STAU2: variants seen among roughly 807,000 people sequenced by gnomAD.
STAU2 encodes the protein double-stranded RNA-binding protein Staufen homolog 2.
In STAU2, 20 loss-of-function variants were observed where a neutral mutation model predicts 65.9. That is an observed-to-expected ratio of 0.30 (90% CI 0.21 to 0.44). The LOEUF is 0.44. Ranked by LOEUF, STAU2 falls within the 20% of genes least tolerant of loss-of-function variation. The pLI is 1.00. For synonymous variants in STAU2, 232 were observed against 233.9 expected (o/e 0.99, Z 0.07); for missense variants, 558 against 683.9 (o/e 0.82, Z 2.05).
At chr8:73,480,189 AT>A (rs1186326799) in intron 13 of STAU2, among the ~76,000 whole-genome samples, 2 of 151,984 alleles carry the variant, frequency 1.3e-5, no homozygotes, top group Non-Finnish European at 2.9e-5. Context: ...TTCCACCCCA[AT>A]ATCCTCAATG....
At chr8:73,433,128 C>A (rs67206079) in intron 13 of STAU2, among the ~76,000 whole-genome samples, 48,506 of 152,088 alleles carry the variant, frequency 0.32, 8,876 homozygotes, top group Non-Finnish European at 0.41. Context: ...AGTGCAGAGT[C>A]CTCGCTACTA....
chr8:73,613,563 G>T (rs1241300175), intron 9 of STAU2, among the ~76,000 whole-genome samples, 181 bp downstream of exon 9: 1 of 152,108 alleles, frequency 6.6e-6, no homozygotes, highest in African/African-American at 2.4e-5. Context: ...AAATGCAGGT[G>T]CACAGGTATT....
intron 13 of STAU2, chr8:73,438,838 G>A (rs142782265): frequency 2.4e-5 from 10 of 409,624 alleles, no homozygotes; most frequent in African/African-American, 1.4e-4. Flanking sequence ...AATTTGCAAC[G>A]TGAGAAGGGC....
chr8:73,433,751 C>T (rs1228064074), intron 13 of STAU2, among the ~76,000 whole-genome samples: 1 of 151,890 alleles, frequency 6.6e-6, no homozygotes, highest in Non-Finnish European at 1.5e-5. Flanking sequence ...GATCCATCTG[C>T]CCCAGCCGCC....
intron 13 of STAU2, among the ~76,000 whole-genome samples, chr8:73,476,572 A>C (rs1346608777): frequency 6.6e-6 from 1 of 152,230 alleles, no homozygotes; most frequent in African/African-American, 2.4e-5. Flanking sequence ...TCACAGCTGT[A>C]TAACATTTAT....
chr8:73,676,300 G>A (rs1386642425), intron 5 of STAU2, among the ~76,000 whole-genome samples: 1 of 152,178 alleles, frequency 6.6e-6, no homozygotes, highest in African/African-American at 2.4e-5. Flanking sequence ...CTACACTGCA[G>A]AGGGGAATGG....
intron 11 of STAU2, among the ~76,000 whole-genome samples, chr8:73,592,784 G>A (rs928444462): frequency 1.3e-5 from 2 of 152,128 alleles, no homozygotes; most frequent in African/African-American, 4.8e-5. Flanking sequence ...GCTTGAACCT[G>A]AGAGGCGGAG....
intron 13 of STAU2, among the ~76,000 whole-genome samples, chr8:73,478,381 G>A (rs1820432032): frequency 6.6e-6 from 1 of 151,772 alleles, no homozygotes; most frequent in Non-Finnish European, 1.5e-5. Context: ...TTTGTTTTGG[G>A]CTGCATTCAA....
At chr8:73,594,998 A>G (rs1811080328) in intron 11 of STAU2, among the ~76,000 whole-genome samples, 168 bp downstream of exon 11, 1 of 152,212 alleles carries the variant, frequency 6.6e-6, no homozygotes. Context: ...AATACTCATT[A>G]ATATCTCATC....
intron 13 of STAU2, among the ~76,000 whole-genome samples, chr8:73,424,361 C>A (rs1346741199): frequency 6.6e-6 from 1 of 151,932 alleles, no homozygotes; most frequent in East Asian, 1.9e-4. Context: ...CCACCACACC[C>A]AGCTAATTTT....
At chr8:73,493,729 A>G (rs542760354) in intron 13 of STAU2, among the ~76,000 whole-genome samples, 1 of 151,876 alleles carries the variant, frequency 6.6e-6, no homozygotes, top group South Asian at 2.1e-4. Flanking sequence ...TGACCCAGCA[A>G]TTCCACCTCT....
At chr8:73,427,692 G>A (rs1015752154) in intron 13 of STAU2, among the ~76,000 whole-genome samples, 8 of 152,234 alleles carry the variant, frequency 5.3e-5, no homozygotes, top group East Asian at 1.9e-4. Context: ...CGCGTGGGGC[G>A]CTAAAGGCCA....
chr8:73,702,049 G>A (rs984565965), intron 4 of STAU2, among the ~76,000 whole-genome samples: 47 of 152,082 alleles, frequency 3.1e-4, no homozygotes, highest in African/African-American at 1.1e-3. Context: ...CACAGAGATA[G>A]AGAATAGAAG....
chr8:73,651,508 C>T, intron 6 of STAU2: 1 of 740,800 alleles, frequency 1.3e-6, no homozygotes, highest in Non-Finnish European at 2.4e-6. Flanking sequence ...TGCACGCACC[C>T]CTGGCTTTCC....
chr8:73,720,674 G>A (rs1171889703), intron 3 of STAU2, among the ~76,000 whole-genome samples: 5 of 114,760 alleles, frequency 4.4e-5, no homozygotes, highest in East Asian at 6.3e-4. Flanking sequence ...CACCGCGCCC[G>A]GCTAATTTTT....
chr8:73,704,825 C>T (rs528299909), intron 4 of STAU2, among the ~76,000 whole-genome samples: 195 of 152,198 alleles, frequency 1.3e-3, no homozygotes, highest in Non-Finnish European at 2.4e-3. Context: ...CGTGCCACCA[C>T]GCCTGGCTAA....
chr8:73,709,837 T>C (rs1334068658), intron 3 of STAU2, among the ~76,000 whole-genome samples: 1 of 152,100 alleles, frequency 6.6e-6, no homozygotes, highest in East Asian at 1.9e-4. Context: ...CCTTATTATC[T>C]TTTACAGAGT....
chr8:73,577,011 A>C (rs553962360), intron 12 of STAU2, among the ~76,000 whole-genome samples: 2 of 152,352 alleles, frequency 1.3e-5, no homozygotes, highest in South Asian at 4.1e-4. Flanking sequence ...TCTAAATTTC[A>C]GCATACATTT....
intron 12 of STAU2, among the ~76,000 whole-genome samples, chr8:73,577,828 T>C (rs1809690235): frequency 6.6e-6 from 1 of 152,218 alleles, no homozygotes; most frequent in African/African-American, 2.4e-5. Flanking sequence ...TAAACATTTT[T>C]TCATGATTTC....
Sources: gnomAD v4.1 joint callset for allele counts (sites outside exome capture counted in the v4.1 genomes callset) on GRCh38, gnomAD v4.1.1 for gene constraint, MANE v1.5 for transcripts, NCBI Gene and HGNC (gene_info 2026-07-23, HGNC 2026-07-21) for gene names.